SLC71A2: variants seen among roughly 807,000 people sequenced by gnomAD.
SLC71A2 encodes solute carrier family 71 member 2.
At chr9:94,431,773 G>A in the SLC71A2 span, among the ~76,000 whole-genome samples, 4 of 151,940 alleles carry the variant, frequency 2.6e-5, no homozygotes, top group East Asian at 3.9e-4. Context: ...CTGAGCCGAC[G>A]TCCCAGCGTT....
chr9:94,450,755 C>T, the SLC71A2 span, among the ~76,000 whole-genome samples: 2 of 152,154 alleles, frequency 1.3e-5, no homozygotes, highest in African/African-American at 2.4e-5. Flanking sequence ...TCCCAAAGTG[C>T]TGGGATTACA....
the SLC71A2 span, among the ~76,000 whole-genome samples, chr9:94,454,767 C>G: frequency 6.6e-6 from 1 of 152,180 alleles, no homozygotes; most frequent in Non-Finnish European, 1.5e-5. Flanking sequence ...TTATCATTAC[C>G]TATCAGTAAC....
At chr9:94,390,187 C>CT in the SLC71A2 span, among the ~76,000 whole-genome samples, 1 of 151,894 alleles carries the variant, frequency 6.6e-6, no homozygotes, top group Non-Finnish European at 1.5e-5. Flanking sequence ...GCATTCCAGC[C>CT]TGGGCAACAG....
the SLC71A2 span, among the ~76,000 whole-genome samples, chr9:94,408,030 A>G: frequency 1.3e-5 from 2 of 152,160 alleles, no homozygotes; most frequent in Non-Finnish European, 1.5e-5. Context: ...TTATTTAATA[A>G]TGACCAAAAG....
the SLC71A2 span, chr9:94,459,546 G>T: frequency 3.8e-6 from 3 of 786,492 alleles, no homozygotes; most frequent in African/African-American, 3.5e-5. Flanking sequence ...AAATACCACC[G>T]CCATCATTCT....
the SLC71A2 span, among the ~76,000 whole-genome samples, chr9:94,430,513 G>A: frequency 6.6e-6 from 1 of 152,164 alleles, no homozygotes; most frequent in African/African-American, 2.4e-5. Context: ...ATGAGCCACT[G>A]CGCCTGGCCT....
At chr9:94,389,900 G>A in the SLC71A2 span, among the ~76,000 whole-genome samples, 4 of 151,554 alleles carry the variant, frequency 2.6e-5, no homozygotes, top group South Asian at 6.4e-4. Context: ...TAGCCACCAT[G>A]TCTGACCCCT....
chr9:94,441,549 T>A, the SLC71A2 span, among the ~76,000 whole-genome samples: 2 of 152,208 alleles, frequency 1.3e-5, no homozygotes, highest in African/African-American at 4.8e-5. Flanking sequence ...GGGATTACAA[T>A]TGAACATTTG....
the SLC71A2 span, among the ~76,000 whole-genome samples, chr9:94,434,287 G>A: frequency 6.6e-6 from 1 of 152,098 alleles, no homozygotes; most frequent in East Asian, 1.9e-4. Flanking sequence ...ACCAGTGGCT[G>A]AATAGGAAAT....
chr9:94,378,056 A>T, the SLC71A2 span, among the ~76,000 whole-genome samples: 5 of 151,296 alleles, frequency 3.3e-5, no homozygotes, highest in Non-Finnish European at 7.4e-5. Flanking sequence ...GTGAGCTGAG[A>T]TCGTGCCACT....
chr9:94,401,274 A>G, the SLC71A2 span, among the ~76,000 whole-genome samples: 1 of 151,892 alleles, frequency 6.6e-6, no homozygotes. Flanking sequence ...GATTTCAAGC[A>G]TTTTCTCCTG....
the SLC71A2 span, among the ~76,000 whole-genome samples, chr9:94,437,506 C>T: frequency 6.6e-6 from 1 of 152,224 alleles, no homozygotes; most frequent in Non-Finnish European, 1.5e-5. Context: ...TTAGTTTCAA[C>T]TGTAGTTGTT....
chr9:94,440,880 T>C, the SLC71A2 span: 5 of 624,106 alleles, frequency 8.0e-6, no homozygotes, highest in East Asian at 5.5e-5. Flanking sequence ...TATACAAGTA[T>C]ACTTATTTCT....
chr9:94,456,547 A>C, the SLC71A2 span, among the ~76,000 whole-genome samples: 2 of 152,224 alleles, frequency 1.3e-5, no homozygotes. Flanking sequence ...TAGACTTAGC[A>C]GTTCAGATTG....
the SLC71A2 span, among the ~76,000 whole-genome samples, chr9:94,420,381 G>A: frequency 0.71 from 108,297 of 152,034 alleles, 40,128 homozygotes; most frequent in African/African-American, 0.93. Context: ...GTCTGGTAGC[G>A]GCTCAAAACT....
chr9:94,435,466 C>A, the SLC71A2 span, among the ~76,000 whole-genome samples: 4 of 152,088 alleles, frequency 2.6e-5, no homozygotes, highest in African/African-American at 9.7e-5. Flanking sequence ...TTAAATTTTC[C>A]CTCTAAATTA....
At chr9:94,381,913 C>T in the SLC71A2 span, among the ~76,000 whole-genome samples, 1 of 152,232 alleles carries the variant, frequency 6.6e-6, no homozygotes, top group African/African-American at 2.4e-5. Context: ...CATCCATATC[C>T]TTACCAACAC....
the SLC71A2 span, among the ~76,000 whole-genome samples, chr9:94,417,518 T>C: frequency 1.3e-5 from 2 of 151,968 alleles, no homozygotes; most frequent in Non-Finnish European, 2.9e-5. Context: ...TCCCAGCTAC[T>C]CGGAAGGCTG....
the SLC71A2 span, chr9:94,444,904 T>C: frequency 6.6e-7 from 1 of 1,509,230 alleles, no homozygotes; most frequent in Non-Finnish European, 9.2e-7. Context: ...TGGGTAAGGA[T>C]ATGCTTTCCC....
Sources: gnomAD v4.1 joint callset for allele counts (sites outside exome capture counted in the v4.1 genomes callset) on GRCh38, gnomAD v4.1.1 for gene constraint, MANE v1.5 for transcripts, NCBI Gene and HGNC (gene_info 2026-07-23, HGNC 2026-07-21) for gene names.